Variants in TXNDC16 observed in about 807,000 individuals in gnomAD.
The protein encoded by TXNDC16 is thioredoxin domain containing 16, also known as thioredoxin domain-containing protein 16.
A neutral mutation model predicts 85.6 loss-of-function variants in TXNDC16; 74 were observed. The ratio of observed to expected loss-of-function variants is 0.86; its 90% CI spans 0.72 to 1.05. The LOEUF (loss-of-function observed/expected upper bound fraction) is 1.05, where lower values mean the gene tolerates loss of function less well. Among genes scored for constraint, TXNDC16 ranks in the 50% least tolerant of loss-of-function variants. The pLI is 0.00. For synonymous variants in TXNDC16, 335 were observed against 326.5 expected (o/e 1.03, Z -0.28); for missense variants, 959 against 947.0 (o/e 1.01, Z -0.17).
At position 52,543,447 on chromosome 14, in the gene TXNDC16, A is replaced by C. The variant is rs754567179; in HGVS notation, c.111T>G (p.Phe37Leu). 1 of 1,613,182 alleles carries C rather than the reference A, an allele frequency of 6.2e-7. No homozygotes were observed. Among genetic ancestry groups the C allele is most frequent in the Non-Finnish European group, 8.5e-7 (1 of 1,179,600 alleles). ...AGGCTTTTCCTGGTTGCAATGTACT[A>C]AAATATTTCTGAGGACTCAGTTCTG... The part of the protein sequence containing the change: ...SLPELSPQKY[F>L]STLQPGKASL... Residue 37 changes from phenylalanine to leucine, a missense_variant, in exon 3 of 21, where the codon TTT becomes TTG. Coordinates refer to ENST00000281741, the MANE Select transcript of TXNDC16 (RefSeq NM_020784.3).
chr14:52,432,628 AT>A (rs1328558864), intron 20 of TXNDC16, 41 bp from the exon 21 acceptor site: 1 of 1,513,586 alleles, frequency 6.6e-7, no homozygotes, highest in Non-Finnish European at 8.9e-7. Flanking sequence ...ATTAACAGCT[AT>A]AAATCGTCAC....
chr14:52,451,688 A>AT (rs1260880746), intron 18 of TXNDC16, among the ~76,000 whole-genome samples: 1 of 152,154 alleles, frequency 6.6e-6, no homozygotes, highest in African/African-American at 2.4e-5. Flanking sequence ...TACAGAAGGA[A>AT]TATACCTCAA....
chr14:52,492,600 C>T (rs948371086), intron 9 of TXNDC16, among the ~76,000 whole-genome samples: 2 of 152,222 alleles, frequency 1.3e-5, no homozygotes, highest in Non-Finnish European at 2.9e-5. Context: ...CCACCCAGCA[C>T]AGCTGGCTTC....
chr14:52,494,744 T>C (rs960743497), intron 9 of TXNDC16, among the ~76,000 whole-genome samples: 1 of 152,236 alleles, frequency 6.6e-6, no homozygotes, highest in Admixed American at 6.5e-5. Flanking sequence ...TGATCACATA[T>C]ATATTTTTAA....
intron 6 of TXNDC16, among the ~76,000 whole-genome samples, chr14:52,529,552 TATATATAATGCCTATTATATATAA>T (rs2037429716): frequency 2.1e-5 from 2 of 96,792 alleles, no homozygotes; most frequent in African/African-American, 9.1e-5. Flanking sequence ...TTATATATAA[TATATATAATGCCTATTATATATAA>T]TATATATAAT....
intron 18 of TXNDC16, 34 bp downstream of exon 18, chr14:52,455,290 T>C (rs1489177984): frequency 6.2e-7 from 1 of 1,609,592 alleles, no homozygotes; most frequent in Non-Finnish European, 8.5e-7. Context: ...TAGATTTTAT[T>C]TCAAGTATCA....
intron 16 of TXNDC16, among the ~76,000 whole-genome samples, chr14:52,469,736 T>C (rs1206629172): frequency 6.6e-6 from 1 of 152,080 alleles, no homozygotes; most frequent in Non-Finnish European, 1.5e-5. Flanking sequence ...AGCGAGACTC[T>C]GTCTCAAAAA....
At chr14:52,474,149 G>A (rs1220288275) in intron 14 of TXNDC16, among the ~76,000 whole-genome samples, 1 of 152,116 alleles carries the variant, frequency 6.6e-6, no homozygotes, top group Non-Finnish European at 1.5e-5. Flanking sequence ...TGCATTGAGG[G>A]GGCAGGTAGT....
chr14:52,432,809 A>G (rs1482073932), intron 20 of TXNDC16, among the ~76,000 whole-genome samples: 1 of 152,186 alleles, frequency 6.6e-6, no homozygotes, highest in Non-Finnish European at 1.5e-5. Context: ...TACATTTACA[A>G]GCTATTATTT....
intron 1 of TXNDC16, among the ~76,000 whole-genome samples, chr14:52,547,916 T>C (rs2037972693): frequency 6.6e-6 from 1 of 152,268 alleles, no homozygotes; most frequent in African/African-American, 2.4e-5. Flanking sequence ...TCTAGTTCTC[T>C]GCACGTTAAA....
rs1247211855 is a variant in TXNDC16, at chr14:52,529,575, A to G, written c.392+7144T>C. Among the ~76,000 whole-genome samples, 31 of 92,894 alleles carry G rather than the reference A, an allele frequency of 3.3e-4. 1 individual carries two copies. Among genetic ancestry groups the G allele is most frequent in the African/African-American group, 1.5e-3 (30 of 20,106 alleles). The allele number at this position is 92,894 out of a possible 152,430, so 60.9% of individuals were successfully genotyped here. On this transcript the variant is annotated intron_variant, in intron 6 of 20. Coordinates refer to ENST00000281741, the MANE Select transcript of TXNDC16 (RefSeq NM_020784.3). ...AATATATATAATGCCTATTATATAT[A>G]ATATATATAATGCCTATTATATATA...
chr14:52,432,490 A>T lies in TXNDC16; in HGVS notation c.2292T>A (p.Val764=). The T allele has an allele frequency of 6.2e-7, 1 of 1,614,008 alleles. No individual in the cohort carries two copies. Residue 764 remains valine, a synonymous_variant, in exon 21 of 21, where the codon GTT becomes GTA. Transcript: ENST00000281741. ...AATSQRGTRK[V]PKCMKETDVQ... is the part of the protein sequence containing the mutation. ...CATCTGTTTCTTTCATACACTTGGG[A>T]ACTTTCCTAGTGCCACGTTGAGATG...
chr14:52,459,330 G>A (rs563596532), intron 16 of TXNDC16, among the ~76,000 whole-genome samples: 22 of 152,056 alleles, frequency 1.4e-4, no homozygotes, highest in African/African-American at 5.3e-4. Flanking sequence ...TGAAAGAGAT[G>A]GATAAACTCC....
Position 52,431,081 on chromosome 14 carries a change from G to A in TXNDC16, c.*1223C>T, listed in dbSNP as rs1402483499. 6.6e-6 allele frequency: 1 copy of A among 152,170 alleles called. No homozygotes were observed. Among genetic ancestry groups the A allele is most frequent in the Non-Finnish European group, 1.5e-5 (1 of 68,026 alleles). The allele number at this position is 152,170 out of a possible 1,614,324, so 9.4% of individuals were successfully genotyped here. Reference sequence around the variant, plus strand: ...CAACAAATGTCTCAAAAAATGCACAGAGCAAAAATGAGACAAACAACTGCT... The same window carrying A: ...CAACAAATGTCTCAAAAAATGCACAAAGCAAAAATGAGACAAACAACTGCT... On this transcript the variant is annotated 3_prime_UTR_variant, in exon 21 of 21. Coordinates refer to ENST00000281741, the MANE Select transcript of TXNDC16 (RefSeq NM_020784.3).
At chr14:52,492,590 C>T (rs929005448) in intron 9 of TXNDC16, among the ~76,000 whole-genome samples, 8 of 152,318 alleles carry the variant, frequency 5.3e-5, no homozygotes, top group Admixed American at 2.0e-4. Context: ...TCTTTTGCCG[C>T]CACCCAGCAC....
chr14:52,486,679 G>A (rs2036279994), intron 12 of TXNDC16, among the ~76,000 whole-genome samples: 1 of 152,020 alleles, frequency 6.6e-6, no homozygotes, highest in African/African-American at 2.4e-5. Context: ...TGATACAGAG[G>A]GAGGGGGAAG....
At chr14:52,438,213 G>C (rs2035077300) in intron 20 of TXNDC16, among the ~76,000 whole-genome samples, 1 of 152,212 alleles carries the variant, frequency 6.6e-6, no homozygotes, top group African/African-American at 2.4e-5. Flanking sequence ...TGATAAAGCA[G>C]CAGCAGCGAT....
chr14:52,529,375 T>C (rs986579898), intron 6 of TXNDC16, among the ~76,000 whole-genome samples: 1 of 150,806 alleles, frequency 6.6e-6, no homozygotes, highest in African/African-American at 2.4e-5. Context: ...TAATATTAAA[T>C]GACAAGTTAA....
chr14:52,432,629 T>C (rs749626800), intron 20 of TXNDC16, 42 bp from the exon 21 acceptor site: 40 of 1,513,654 alleles, frequency 2.6e-5, no homozygotes, highest in Non-Finnish European at 3.3e-5. Context: ...TTAACAGCTA[T>C]AAATCGTCAC....
Sources: gnomAD v4.1 joint callset for allele counts (sites outside exome capture counted in the v4.1 genomes callset) on GRCh38, gnomAD v4.1.1 for gene constraint, MANE v1.5 for transcripts, NCBI Gene and HGNC (gene_info 2026-07-23, HGNC 2026-07-21) for gene names.